ZC3H14: variants seen among roughly 807,000 people sequenced by gnomAD.
The protein encoded by ZC3H14 is zinc finger CCCH domain-containing protein 14.
ZC3H14 carries 31 observed loss-of-function variants against 92.4 expected under a neutral mutation model. That is an observed-to-expected ratio of 0.34 (90% CI 0.25 to 0.45). The LOEUF (loss-of-function observed/expected upper bound fraction) is 0.45, where lower values mean the gene tolerates loss of function less well. Ranked by LOEUF, ZC3H14 falls within the 20% of genes least tolerant of loss-of-function variation. The pLI, the probability that ZC3H14 is intolerant of heterozygous loss-of-function variation, is 1.00. For synonymous variants in ZC3H14, 321 were observed against 300.9 expected, an observed-to-expected ratio of 1.07 and a Z score of -0.69; for missense variants, 781 against 897.3, an observed-to-expected ratio of 0.87 and a Z score of 1.66.
rs879699254 is a variant in ZC3H14, at chr14:88,614,920, G to T, written c.*3169G>T. 6.6e-6 allele frequency: 1 copy of T among 152,118 alleles called. No homozygotes were observed. The highest frequency in any genetic ancestry group is 1.5e-5 in the Non-Finnish European group (1 of 68,002). The allele number at this position is 152,118 out of a possible 1,614,324, so 9.4% of individuals were successfully genotyped here. On this transcript the variant is annotated 3_prime_UTR_variant, in exon 17 of 17. Coordinates refer to ENST00000251038, the MANE Select transcript of ZC3H14 (RefSeq NM_024824.5). Reference sequence around the variant, plus strand: ...AAGAGTGATTAAATTGTATAATGTTGTATATGTGAATTTAACACTTTTGTT... The same window carrying T: ...AAGAGTGATTAAATTGTATAATGTTTTATATGTGAATTTAACACTTTTGTT...
At chr14:88,599,795 G>A (rs2084353354) in intron 10 of ZC3H14, among the ~76,000 whole-genome samples, 1 of 152,212 alleles carries the variant, frequency 6.6e-6, no homozygotes, top group African/African-American at 2.4e-5. Context: ...GTCTCAGAAA[G>A]TGCAGAGTGG....
chr14:88,593,378 A>T (rs533408202), intron 9 of ZC3H14, among the ~76,000 whole-genome samples: 37 of 152,274 alleles, frequency 2.4e-4, no homozygotes, highest in African/African-American at 8.7e-4. Flanking sequence ...CGGCAGGCTG[A>T]TCCTAAAATT....
rs369058779 is a variant in ZC3H14 at position 88,563,646 on chromosome 14, C to T, written c.37-5C>T. ...TCACATGCACGTTTGCTCTTTTTCT[C>T]TCAGAGTGCCATTAAGGGGAAATTA... On this transcript the variant is annotated splice_region_variant and splice_polypyrimidine_tract_variant and intron_variant, in intron 1 of 16. Coordinates refer to ENST00000251038, the MANE Select transcript of ZC3H14 (RefSeq NM_024824.5). The T allele has an allele frequency of 1.5e-4, 247 of 1,614,200 alleles. No homozygotes were observed. In the African/African-American group the frequency reaches 2.8e-3, roughly 18 times the overall value.
At chr14:88,583,860 G>C (rs1245647563) in intron 9 of ZC3H14, among the ~76,000 whole-genome samples, 2 of 152,172 alleles carry the variant, frequency 1.3e-5, no homozygotes, top group Admixed American at 1.3e-4. Context: ...TGACCTTGCT[G>C]AGTTTTTGTG....
chr14:88,588,575 A>G (rs749866470), intron 9 of ZC3H14, among the ~76,000 whole-genome samples: 5 of 150,374 alleles, frequency 3.3e-5, no homozygotes, highest in Non-Finnish European at 5.9e-5. Flanking sequence ...TTTTTTTTCT[A>G]TGTTCCTGGT....
chr14:88,594,347 CAT>C (rs763330479), intron 9 of ZC3H14: 61 of 994,736 alleles, frequency 6.1e-5, no homozygotes, highest in East Asian at 3.5e-4. Flanking sequence ...TTGTGTGACA[CAT>C]GTCTGTTTTC....
At chr14:88,578,162 C>G (rs1242325381) in intron 9 of ZC3H14, 22 bp downstream of exon 9, 2 of 1,612,828 alleles carry the variant, frequency 1.2e-6, no homozygotes, top group Admixed American at 3.3e-5. Context: ...AATGATGTTT[C>G]ACTCTTTACT....
At position 88,615,890 on chromosome 14, in the gene ZC3H14, AT is replaced by A. The variant is rs762120554; in HGVS notation, c.*4140del. On this transcript the variant is annotated 3_prime_UTR_variant, in exon 17 of 17. Coordinates refer to ENST00000251038, the MANE Select transcript of ZC3H14 (RefSeq NM_024824.5). ...AGAAGAAAATTGCAGGGAGTTAATTATGTTTTTAGATTTTCATAACAGTTTA... is the reference window on the plus strand; with the variant it reads ...AGAAGAAAATTGCAGGGAGTTAATTAGTTTTTAGATTTTCATAACAGTTTA... 3 of 1,592,062 alleles carry A rather than the reference AT, an allele frequency of 1.9e-6. No homozygotes were observed. The South Asian group carries it at 3.4e-5, about 18-fold the overall frequency.
At chr14:88,607,217 T>A (rs770841358) in intron 12 of ZC3H14, 26 bp from the exon 13 acceptor site, 2 of 1,613,972 alleles carry the variant, frequency 1.2e-6, no homozygotes, top group Non-Finnish European at 1.7e-6. Flanking sequence ...ATGAATGAAA[T>A]ACTTTTATTT....
chr14:88,571,986 T>A, intron 4 of ZC3H14, 44 bp from the exon 5 acceptor site: 2 of 1,404,018 alleles, frequency 1.4e-6, no homozygotes, highest in Non-Finnish European at 1.9e-6. Context: ...TAAATAAAAA[T>A]AAGAAATAAA....
chr14:88,563,328 C>T (rs1395064735), intron 1 of ZC3H14, 159 bp downstream of exon 1: 8 of 1,497,504 alleles, frequency 5.3e-6, no homozygotes, highest in Non-Finnish European at 6.2e-6. Context: ...CGCCTCGGCC[C>T]TGGGGACATT....
intron 9 of ZC3H14, among the ~76,000 whole-genome samples, chr14:88,593,988 C>T (rs1408013513): frequency 6.6e-6 from 1 of 151,972 alleles, no homozygotes; most frequent in African/African-American, 2.4e-5. Context: ...TTCTTATTTC[C>T]CCATCCTTAA....
rs1244760754 is a variant in ZC3H14, at chr14:88,615,633, A to C, written c.*3882A>C. 1.7e-6 allele frequency: 1 copy of C among 583,232 alleles called. No individual in the cohort carries two copies. The highest frequency in any genetic ancestry group is 3.0e-6 in the Non-Finnish European group (1 of 334,678). The allele number at this position is 583,232 out of a possible 1,614,324, so 36.1% of individuals were successfully genotyped here. On this transcript the variant is annotated 3_prime_UTR_variant, in exon 17 of 17. Transcript: ENST00000251038. ...TTATCTGGCAGTGTATGGATTACGG[A>C]TTATACCCAGTGCATATAGCAAATA...
rs1438697093 is a variant in ZC3H14, at chr14:88,622,566, T to C, written c.*10815T>C. The C allele has an allele frequency of 6.8e-7, 1 of 1,473,576 alleles. No individual in the cohort carries two copies. The highest frequency in any genetic ancestry group is 2.5e-5 in the East Asian group (1 of 40,352). 91.3% of individuals were successfully genotyped at this position (1,473,576 alleles called of 1,614,324 possible). Reference sequence around the variant, plus strand: ...GAATCACAGTAATAACCACTTTCTGTTTTCTGCTGCACTGTATCAGCTCAT... The same window carrying C: ...GAATCACAGTAATAACCACTTTCTGCTTTCTGCTGCACTGTATCAGCTCAT... On this transcript the variant is annotated 3_prime_UTR_variant, in exon 17 of 17. Coordinates refer to ENST00000251038, the MANE Select transcript of ZC3H14 (RefSeq NM_024824.5).
At chr14:88,609,213 T>TA (rs1285959408) in intron 13 of ZC3H14, 54 bp from the exon 14 acceptor site, 48 of 1,610,732 alleles carry the variant, frequency 3.0e-5, no homozygotes, top group Non-Finnish European at 3.6e-5. Context: ...TACACAGAAC[T>TA]AATAATGCAT....
At chr14:88,602,708 T>C (rs2084826222) in intron 11 of ZC3H14, 120 bp from the exon 12 acceptor site, 1 of 1,086,092 alleles carries the variant, frequency 9.2e-7, no homozygotes, top group African/African-American at 1.6e-5. Flanking sequence ...TACCTAGTCT[T>C]TTTTTATTGA....
At position 88,616,910 on chromosome 14, in the gene ZC3H14, A is replaced by G. The variant is rs1226771236; in HGVS notation, c.*5159A>G. ...GGGAAGGAACAAAAGAAAACTCATC[A>G]TGGCAAGTGCGGGCAGGTTGACTAT... is the stretch of plus-strand genomic sequence containing the variant. On this transcript the variant is annotated 3_prime_UTR_variant, in exon 17 of 17. Transcript: ENST00000251038. 2.5e-6 allele frequency: 4 copies of G among 1,608,634 alleles called. No homozygotes were observed. Among genetic ancestry groups the G allele is most frequent in the Non-Finnish European group, 3.4e-6 (4 of 1,176,838 alleles).
intron 9 of ZC3H14, chr14:88,594,915 G>A (rs768526051): frequency 6.2e-7 from 1 of 1,613,922 alleles, no homozygotes. Context: ...TTTTGACAGT[G>A]GAAGCAAATC....
intron 9 of ZC3H14, among the ~76,000 whole-genome samples, chr14:88,595,941 A>G (rs2083759472): frequency 6.6e-6 from 1 of 152,144 alleles, no homozygotes; most frequent in African/African-American, 2.4e-5. Flanking sequence ...GATGTCTGCT[A>G]AGCGCTGTGG....
Sources: allele counts gnomAD v4.1 joint callset (sites outside exome capture counted in the v4.1 genomes callset), GRCh38; gene constraint gnomAD v4.1.1; transcripts MANE v1.5; gene names NCBI Gene and HGNC (gene_info 2026-07-23, HGNC 2026-07-21).